The following NT5DC3 variants were observed in gnomAD, a reference collection of about 807,000 sequenced individuals.
The protein encoded by NT5DC3 is 5'-nucleotidase domain-containing protein 3.
Under a neutral mutation model 67.8 loss-of-function variants are expected in NT5DC3, and 42 were observed. The ratio of observed to expected loss-of-function variants is 0.62; its 90% CI spans 0.48 to 0.80. The LOEUF (loss-of-function observed/expected upper bound fraction) is 0.80, where lower values mean the gene tolerates loss of function less well. NT5DC3 is among the 30% of genes least tolerant of loss of function. The probability of loss-of-function intolerance (pLI) is 0.00; values close to 1 mark genes in which losing one functional copy is unlikely to be tolerated. For missense variants in NT5DC3, 570 were observed against 696.4 expected (o/e 0.82, Z 2.04); for synonymous variants, 237 against 255.6 (o/e 0.93, Z 0.69).
At chr12:103,754,226 G>A in the NT5DC3 span, among the ~76,000 whole-genome samples, 2 of 151,952 alleles carry the variant, frequency 1.3e-5, no homozygotes, top group Non-Finnish European at 2.9e-5. Context: ...CCTGCTTGCT[G>A]GTCATGTGGC....
the NT5DC3 span, chr12:103,750,564 ACT>A: frequency 3.1e-6 from 5 of 1,612,532 alleles, no homozygotes; most frequent in Non-Finnish European, 4.2e-6. Context: ...ATCTCTTCCC[ACT>A]CTCCCTCCAC....
At chr12:103,805,642 T>G (rs1395285410) in intron 4 of NT5DC3, among the ~76,000 whole-genome samples, 1 of 151,966 alleles carries the variant, frequency 6.6e-6, no homozygotes, top group Non-Finnish European at 1.5e-5. Context: ...GGTCAGGAGT[T>G]CAAGACCAGC....
intron 1 of NT5DC3, among the ~76,000 whole-genome samples, chr12:103,816,967 C>CTT (rs376622215): frequency 0.04 from 4,797 of 118,872 alleles, 105 homozygotes; most frequent in African/African-American, 0.051. Context: ...TTTCTTTTTT[C>CTT]TTTTTTTTTT....
downstream of NT5DC3, chr12:103,766,000 C>G: frequency 1.8e-6 from 1 of 565,274 alleles, no homozygotes; most frequent in Non-Finnish European, 3.3e-6. Flanking sequence ...CTCCTACCTC[C>G]CTGTGAGGTA....
chr12:103,763,444 T>C, the NT5DC3 span: 1 of 1,577,934 alleles, frequency 6.3e-7, no homozygotes, highest in African/African-American at 1.3e-5. Context: ...GCTGAGACGC[T>C]CCTGCTTTGG....
At chr12:103,789,411 A>G (rs1355606625) in intron 9 of NT5DC3, among the ~76,000 whole-genome samples, 3 of 147,626 alleles carry the variant, frequency 2.0e-5, no homozygotes, top group African/African-American at 7.4e-5. Flanking sequence ...GCAACAAGAG[A>G]GAAACTCCAT....
rs541870298 is a variant in NT5DC3 at position 103,790,921 on chromosome 12, C to T, written c.1020-2002G>A. On this transcript the variant is annotated intron_variant, in intron 9 of 13. Transcript: ENST00000392876. ...AGCCAGGATGGTCTCCATCTCCTGA[C>T]CTTGTGATCCGCCCGCCTCAGCCTC... Among the ~76,000 whole-genome samples, 64 of 146,316 alleles carry T rather than the reference C, an allele frequency of 4.4e-4. 1 individual carries two copies. The Middle Eastern group carries it at 0.021, about 48-fold the overall frequency.
In NT5DC3 at chr12:103,811,185, G is replaced by A. The variant is rs982287959; in HGVS notation, c.393+3752C>T. Among the ~76,000 whole-genome samples the A allele has an allele frequency of 4.6e-5, 7 of 152,276 alleles. 1 individual carries two copies. The highest frequency in any genetic ancestry group is 4.1e-4 in the South Asian group (2 of 4,826). On this transcript the variant is annotated intron_variant, in intron 2 of 13. Coordinates refer to ENST00000392876, the MANE Select transcript of NT5DC3 (RefSeq NM_001031701.3). ...CCTGCAAAGTTCCCATTCTACCTGG[G>A]GGGGTAGACCATACACAAATACACA... is the stretch of plus-strand genomic sequence containing the variant.
chr12:103,756,969 G>A, the NT5DC3 span, among the ~76,000 whole-genome samples: 1 of 136,780 alleles, frequency 7.3e-6, no homozygotes, highest in Admixed American at 7.8e-5. Flanking sequence ...TACCTTCTCT[G>A]GGCCTCAGTA....
chr12:103,762,387 C>T, the NT5DC3 span: 1 of 1,614,118 alleles, frequency 6.2e-7, no homozygotes, highest in Non-Finnish European at 8.5e-7. Context: ...GAACAATCGG[C>T]TTCCAGCATT....
chr12:103,766,008 G>A (rs1257478956), downstream of NT5DC3: 1 of 591,734 alleles, frequency 1.7e-6, no homozygotes, highest in Non-Finnish European at 3.2e-6. Context: ...TCCCTGTGAG[G>A]TATATTATGA....
chr12:103,755,663 G>A, the NT5DC3 span: 1 of 1,614,186 alleles, frequency 6.2e-7, no homozygotes, highest in Non-Finnish European at 8.5e-7. Context: ...TTCTCATGCA[G>A]TGGGAACCTG....
At chr12:103,833,507 T>A (rs892554610) in intron 1 of NT5DC3, among the ~76,000 whole-genome samples, 2 of 152,192 alleles carry the variant, frequency 1.3e-5, no homozygotes, top group African/African-American at 4.8e-5. Context: ...TAAGCTTACA[T>A]CATCATGTAG....
chr12:103,812,655 C>T (rs1887085462), intron 2 of NT5DC3, among the ~76,000 whole-genome samples: 1 of 151,862 alleles, frequency 6.6e-6, no homozygotes, highest in Middle Eastern at 3.4e-3. Context: ...AACATGGAGT[C>T]GAGGAGAGAA....
intron 1 of NT5DC3, 22 bp from the exon 2 acceptor site, chr12:103,815,143 A>G (rs1400305038): frequency 3.4e-6 from 5 of 1,461,806 alleles, no homozygotes; most frequent in Non-Finnish European, 3.8e-6. Flanking sequence ...GAAAAAAAAT[A>G]CATTATACTA....
chr12:103,758,762 A>C, the NT5DC3 span, among the ~76,000 whole-genome samples: 5 of 152,346 alleles, frequency 3.3e-5, no homozygotes, highest in South Asian at 1.0e-3. Context: ...AACCTTCTTC[A>C]TATCACGGCA....
chr12:103,755,581 G>A, the NT5DC3 span: 1 of 1,613,648 alleles, frequency 6.2e-7, no homozygotes, highest in Non-Finnish European at 8.5e-7. Flanking sequence ...TGCCTTACTT[G>A]TGTGGGACCC....
chr12:103,793,573 C>G, intron 7 of NT5DC3, 61 bp from the exon 8 acceptor site: 2 of 1,228,660 alleles, frequency 1.6e-6, no homozygotes, highest in South Asian at 2.4e-5. Flanking sequence ...TCTGCAAGTA[C>G]TTTCTAAATG....
chr12:103,784,585 G>T (rs1452224922), intron 12 of NT5DC3, among the ~76,000 whole-genome samples: 7 of 152,246 alleles, frequency 4.6e-5, no homozygotes, highest in Non-Finnish European at 1.0e-4. Flanking sequence ...CCTGTGCCCA[G>T]ATCCTAAAAA....
Sources: gnomAD v4.1 joint callset for allele counts (sites outside exome capture counted in the v4.1 genomes callset) on GRCh38, gnomAD v4.1.1 for gene constraint, MANE v1.5 for transcripts, NCBI Gene and HGNC (gene_info 2026-07-23, HGNC 2026-07-21) for gene names.